KCNMB2: variants seen among roughly 807,000 people sequenced by gnomAD.
KCNMB2 encodes the protein potassium calcium-activated channel subfamily M regulatory beta subunit 2, also known as calcium-activated potassium channel subunit beta-2.
Under a neutral mutation model 24.5 loss-of-function variants are expected in KCNMB2, and 9 were observed. The ratio of observed to expected loss-of-function variants is 0.37; its 90% CI spans 0.22 to 0.64. KCNMB2 has a LOEUF of 0.64. Among genes scored for constraint, KCNMB2 ranks in the 30% least tolerant of loss-of-function variants. The pLI is 0.63. For synonymous variants in KCNMB2, 109 were observed against 104.4 expected (o/e 1.04, Z -0.27); for missense variants, 226 against 284.3 (o/e 0.79, Z 1.47).
rs191453792 is a variant in KCNMB2 at position 178,716,535 on chromosome 3, C to T, written c.-67-90808C>T. 9.9e-5 allele frequency among the ~76,000 whole-genome samples: 15 copies of T among 151,636 alleles called. No individual in the cohort carries two copies. In the East Asian group the frequency reaches 1.4e-3, roughly 14 times the overall value. On this transcript the variant is annotated intron_variant, in intron 1 of 4. Coordinates refer to ENST00000452583, the MANE Select transcript of KCNMB2 (RefSeq NM_181361.3). ...CTCGGCTCACTGCAATTTCCACCTC[C>T]GAGGTTCAAGCGATTGTCCTGCCTC...
At chr3:178,835,755 T>C (rs1405190552) in intron 4 of KCNMB2, among the ~76,000 whole-genome samples, 4 of 152,074 alleles carry the variant, frequency 2.6e-5, no homozygotes, top group Non-Finnish European at 5.9e-5. Context: ...CATTGTAGAC[T>C]AGGACCTGGT....
At chr3:178,615,615 C>A (rs1016230399) in intron 1 of KCNMB2, among the ~76,000 whole-genome samples, 2 of 152,348 alleles carry the variant, frequency 1.3e-5, no homozygotes, top group Middle Eastern at 6.8e-3. Context: ...GGCTCAAGGG[C>A]TCTTAAGTCA....
chr3:178,719,061 T>G (rs981884537), intron 1 of KCNMB2, among the ~76,000 whole-genome samples: 1 of 152,220 alleles, frequency 6.6e-6, no homozygotes, highest in African/African-American at 2.4e-5. Context: ...TTCAGAAGCA[T>G]CACTGCATCA....
chr3:178,586,702 G>A (rs1008149051), intron 1 of KCNMB2, among the ~76,000 whole-genome samples: 2 of 151,676 alleles, frequency 1.3e-5, no homozygotes, highest in East Asian at 3.9e-4. Context: ...GTGCCACCAC[G>A]CCTGGCTAAT....
chr3:178,576,440 T>G (rs1258198129), intron 1 of KCNMB2, among the ~76,000 whole-genome samples: 1 of 152,028 alleles, frequency 6.6e-6, no homozygotes, highest in African/African-American at 2.4e-5. Context: ...CCGAGCAAGC[T>G]GCAGGAATTT....
intron 1 of KCNMB2, among the ~76,000 whole-genome samples, chr3:178,786,626 T>G (rs1441707647): frequency 6.6e-6 from 1 of 152,132 alleles, no homozygotes; most frequent in East Asian, 1.9e-4. Flanking sequence ...CCATGAGCAT[T>G]ACCGAATATT....
chr3:178,583,503 C>T (rs1171422475), intron 1 of KCNMB2, among the ~76,000 whole-genome samples: 1 of 152,120 alleles, frequency 6.6e-6, no homozygotes. Flanking sequence ...GAACTTTGAG[C>T]TATTTATTTC....
intron 1 of KCNMB2, among the ~76,000 whole-genome samples, chr3:178,614,291 ATATATG>A (rs71181238): frequency 1.3e-4 from 14 of 104,228 alleles, no homozygotes; most frequent in African/African-American, 3.5e-4. Context: ...ATATATATAT[ATATATG>A]TATGTATATA....
At chr3:178,742,300 T>C (rs1723520123) in intron 1 of KCNMB2, among the ~76,000 whole-genome samples, 1 of 152,152 alleles carries the variant, frequency 6.6e-6, no homozygotes, top group Admixed American at 6.5e-5. Context: ...GGGCTTTGTT[T>C]AAACGTGTTC....
At chr3:178,617,520 T>C (rs1718750725) in intron 1 of KCNMB2, among the ~76,000 whole-genome samples, 1 of 149,998 alleles carries the variant, frequency 6.7e-6, no homozygotes, top group South Asian at 2.1e-4. Context: ...CAGAGAAGAC[T>C]CCATCTCAAA....
chr3:178,751,807 G>C (rs1239905134), intron 1 of KCNMB2, among the ~76,000 whole-genome samples: 1 of 152,186 alleles, frequency 6.6e-6, no homozygotes, highest in Non-Finnish European at 1.5e-5. Flanking sequence ...AAAGTGTTGT[G>C]CCAACTTCAA....
intron 3 of KCNMB2, among the ~76,000 whole-genome samples, chr3:178,826,051 G>A (rs1289656420): frequency 6.6e-6 from 1 of 152,280 alleles, no homozygotes; most frequent in Admixed American, 6.5e-5. Flanking sequence ...AGGCTCAAGA[G>A]AGATATGATT....
At chr3:178,709,679 T>G (rs1559983978) in intron 1 of KCNMB2, among the ~76,000 whole-genome samples, 2 of 152,184 alleles carry the variant, frequency 1.3e-5, no homozygotes, top group Non-Finnish European at 2.9e-5. Flanking sequence ...TCAAATGAAC[T>G]CACAAAATTT....
chr3:178,622,476 A>G (rs1718959083), intron 1 of KCNMB2, among the ~76,000 whole-genome samples: 1 of 152,192 alleles, frequency 6.6e-6, no homozygotes, highest in South Asian at 2.1e-4. Context: ...GAGTCTCAGA[A>G]AGTTGTTTGC....
At chr3:178,718,979 G>C (rs548470602) in intron 1 of KCNMB2, among the ~76,000 whole-genome samples, 95 of 152,220 alleles carry the variant, frequency 6.2e-4, no homozygotes, top group African/African-American at 2.2e-3. Context: ...CACAAGCTAT[G>C]GACATCTAGA....
In KCNMB2 at chr3:178,624,683, C is replaced by T. The variant is rs10154991; in HGVS notation, c.-68+87972C>T. ...TTTCATGGTTCACACTTGCCAACGCCGCTCTTCTCATTACAGTAGTTAAAT... is the reference window on the plus strand; with the variant it reads ...TTTCATGGTTCACACTTGCCAACGCTGCTCTTCTCATTACAGTAGTTAAAT... On this transcript the variant is annotated intron_variant, in intron 1 of 4. Transcript: ENST00000452583. 5.1e-3 allele frequency among the ~76,000 whole-genome samples: 770 copies of T among 150,620 alleles called. 1 individual carries two copies. Among genetic ancestry groups the T allele is most frequent in the African/African-American group, 0.018 (723 of 40,790 alleles).
intron 4 of KCNMB2, among the ~76,000 whole-genome samples, chr3:178,838,018 G>A (rs2108477058): frequency 6.6e-6 from 1 of 152,058 alleles, no homozygotes; most frequent in East Asian, 1.9e-4. Flanking sequence ...AAACTATCTT[G>A]GCACAAAAAT....
intron 1 of KCNMB2, among the ~76,000 whole-genome samples, chr3:178,764,564 A>G (rs1034772435): frequency 1.3e-5 from 2 of 152,192 alleles, no homozygotes; most frequent in South Asian, 2.1e-4. Context: ...AATACATTCT[A>G]CGTTACTCAC....
intron 1 of KCNMB2, among the ~76,000 whole-genome samples, chr3:178,676,918 C>A (rs980247500): frequency 6.6e-6 from 1 of 152,094 alleles, no homozygotes; most frequent in Admixed American, 6.5e-5. Context: ...AGGCCTAATC[C>A]CCGTGTCAGA....
Sources: allele counts gnomAD v4.1 joint callset (sites outside exome capture counted in the v4.1 genomes callset), GRCh38; gene constraint gnomAD v4.1.1; transcripts MANE v1.5; gene names NCBI Gene and HGNC (gene_info 2026-07-23, HGNC 2026-07-21).